The following SCML4 variants were observed in gnomAD, a reference collection of about 807,000 sequenced individuals.
SCML4 encodes Scm polycomb group protein like 4.
Under a neutral mutation model 41.1 loss-of-function variants are expected in SCML4, and 34 were observed. The observed-to-expected ratio is 0.83, with a 90% CI of 0.63 to 1.10. The LOEUF is 1.10. SCML4 is among the 50% of genes least tolerant of loss of function. The pLI is 0.00. For synonymous variants in SCML4, 214 were observed against 220.9 expected (o/e 0.97, Z 0.28); for missense variants, 522 against 534.1 (o/e 0.98, Z 0.22).
intron 1 of SCML4, among the ~76,000 whole-genome samples, chr6:107,819,870 G>T (rs539806776): frequency 1.3e-5 from 2 of 152,322 alleles, no homozygotes; most frequent in African/African-American, 4.8e-5. Context: ...ACTTCAGAGT[G>T]TCAAATGGAC....
intron 5 of SCML4, among the ~76,000 whole-genome samples, chr6:107,742,622 C>G (rs1001212582): frequency 6.6e-6 from 1 of 151,972 alleles, no homozygotes; most frequent in Non-Finnish European, 1.5e-5. Flanking sequence ...ACCATATAGG[C>G]CAGGAGGGAA....
intron 1 of SCML4, among the ~76,000 whole-genome samples, chr6:107,819,195 C>T (rs1784771576): frequency 1.9e-5 from 1 of 53,322 alleles, no homozygotes. Flanking sequence ...CCTACTGCCT[C>T]TTTGCTCCAT....
At chr6:107,744,742 TC>T (rs1223534579) in intron 5 of SCML4, among the ~76,000 whole-genome samples, 1 of 152,244 alleles carries the variant, frequency 6.6e-6, no homozygotes, top group Non-Finnish European at 1.5e-5. Flanking sequence ...AGGGACCACT[TC>T]CCTCTGCAGC....
chr6:107,806,526 T>G (rs923809186), intron 1 of SCML4, among the ~76,000 whole-genome samples: 4 of 152,206 alleles, frequency 2.6e-5, no homozygotes, highest in Admixed American at 1.3e-4. Flanking sequence ...CAGAGCATAG[T>G]GGGGATTCTG....
intron 6 of SCML4, chr6:107,719,742 A>C (rs1562177203): frequency 9.7e-6 from 2 of 206,918 alleles, no homozygotes; most frequent in Non-Finnish European, 1.7e-5. Context: ...TATTATTATC[A>C]CAATTTTATA....
chr6:107,703,289 A>G lies in SCML4; in HGVS notation c.*1911T>C, dbSNP rs900530003. Among the ~76,000 whole-genome samples the G allele has an allele frequency of 1.3e-5, 2 of 152,148 alleles. No homozygotes were observed. Among genetic ancestry groups the G allele is most frequent in the Non-Finnish European group, 2.9e-5 (2 of 68,032 alleles). On this transcript the variant is annotated 3_prime_UTR_variant, in exon 8 of 8. Transcript: ENST00000369020. ...AATTCTTTCTTGCATGAGATCCAAG[A>G]GCCCTCTCTTGGGGTCTGGATCGGG...
chr6:107,806,549 G>A (rs1263248319), intron 1 of SCML4, among the ~76,000 whole-genome samples: 1 of 152,184 alleles, frequency 6.6e-6, no homozygotes, highest in African/African-American at 2.4e-5. Context: ...CCTTAATGCT[G>A]GCCTCTGGTG....
chr6:107,750,578 C>T (rs1212487538), intron 2 of SCML4, among the ~76,000 whole-genome samples: 1 of 152,202 alleles, frequency 6.6e-6, no homozygotes, highest in Non-Finnish European at 1.5e-5. Context: ...CCTGTCTTCA[C>T]CTCTGACCTA....
At chr6:107,723,635 G>A (rs976339599) in intron 5 of SCML4, among the ~76,000 whole-genome samples, 1 of 152,146 alleles carries the variant, frequency 6.6e-6, no homozygotes, top group African/African-American at 2.4e-5. Context: ...CCTGTAAGAA[G>A]TAAAAAGATT....
chr6:107,795,164 C>T (rs1377125446), intron 1 of SCML4, among the ~76,000 whole-genome samples: 1 of 152,186 alleles, frequency 6.6e-6, no homozygotes, highest in African/African-American at 2.4e-5. Context: ...GGGGAAAATG[C>T]TGCCTTTTAT....
the SCML4 span, among the ~76,000 whole-genome samples, chr6:107,835,315 C>T: frequency 2.0e-5 from 3 of 151,044 alleles, no homozygotes; most frequent in Non-Finnish European, 4.4e-5. Context: ...GAGCCAAGAT[C>T]GTGCCACTCC....
At chr6:107,790,659 A>T (rs1782255368) in intron 1 of SCML4, among the ~76,000 whole-genome samples, 1 of 152,142 alleles carries the variant, frequency 6.6e-6, no homozygotes. Context: ...GGCCCTGAAG[A>T]TACAAAGGGA....
intron 5 of SCML4, among the ~76,000 whole-genome samples, chr6:107,730,244 C>T (rs755472024): frequency 1.3e-5 from 2 of 152,242 alleles, no homozygotes; most frequent in African/African-American, 2.4e-5. Flanking sequence ...GGTGAGCAAA[C>T]ACCAGATGGG....
At chr6:107,770,656 T>C (rs1239366702) in intron 2 of SCML4, among the ~76,000 whole-genome samples, 2 of 152,192 alleles carry the variant, frequency 1.3e-5, no homozygotes, top group African/African-American at 4.8e-5. Context: ...GAGTTGTCTC[T>C]GAGTGTCATG....
At chr6:107,713,405 C>T (rs915164645) in intron 6 of SCML4, among the ~76,000 whole-genome samples, 1 of 152,160 alleles carries the variant, frequency 6.6e-6, no homozygotes, top group African/African-American at 2.4e-5. Flanking sequence ...CACTGTGTAA[C>T]CCCTCCCACC....
chr6:107,721,677 A>T (rs1052572123), intron 5 of SCML4, among the ~76,000 whole-genome samples: 1 of 152,176 alleles, frequency 6.6e-6, no homozygotes, highest in African/African-American at 2.4e-5. Context: ...GACTCCTGGG[A>T]GAGATCAAGC....
At chr6:107,820,679 C>T (rs908819872) in intron 1 of SCML4, among the ~76,000 whole-genome samples, 6 of 152,090 alleles carry the variant, frequency 3.9e-5, no homozygotes, top group African/African-American at 9.7e-5. Context: ...CAATGAAAAA[C>T]GCTTAGAACC....
At chr6:107,752,232 G>A (rs1386892905) in intron 2 of SCML4, among the ~76,000 whole-genome samples, 3 of 152,022 alleles carry the variant, frequency 2.0e-5, no homozygotes, top group African/African-American at 7.3e-5. Flanking sequence ...TGAAGGGAAG[G>A]AGGATAGAGT....
Position 107,813,370 on chromosome 6 carries a change from T to A in SCML4, c.-60+10756A>T, listed in dbSNP as rs953479937. 2.3e-3 allele frequency among the ~76,000 whole-genome samples: 99 copies of A among 42,396 alleles called. 3 individuals carry two copies. Among genetic ancestry groups the A allele is most frequent in the African/African-American group, 9.6e-3 (70 of 7,306 alleles). 27.8% of individuals were successfully genotyped at this position (42,396 alleles called of 152,430 possible). A position where few individuals can be genotyped will look rare whatever the true frequency, so the allele number is the denominator to read the frequency against. ...AGAGTGAGACGCCATCTCAAAAAAA[T>A]TATATATATATATATATATATATAT... is the stretch of plus-strand genomic sequence containing the variant. On this transcript the variant is annotated intron_variant, in intron 1 of 7. Transcript: ENST00000369020.
Sources: allele counts gnomAD v4.1 joint callset (sites outside exome capture counted in the v4.1 genomes callset), GRCh38; gene constraint gnomAD v4.1.1; transcripts MANE v1.5; gene names NCBI Gene and HGNC (gene_info 2026-07-23, HGNC 2026-07-21).